RNF220: variants seen among roughly 807,000 people sequenced by gnomAD.
The protein encoded by RNF220 is ring finger protein 220, also known as E3 ubiquitin-protein ligase RNF220.
RNF220 carries 7 observed loss-of-function variants against 67.1 expected under a neutral mutation model. That is an observed-to-expected ratio of 0.10 (90% CI 0.06 to 0.20). The LOEUF is 0.20. RNF220 is among the 10% of genes least tolerant of loss of function. The pLI is 1.00. For missense variants in RNF220, 565 were observed against 740.3 expected (o/e 0.76, Z 2.75); for synonymous variants, 270 against 283.2 (o/e 0.95, Z 0.47).
At chr1:44,406,705 C>T (rs1253595038) in intron 1 of RNF220, among the ~76,000 whole-genome samples, 1 of 152,154 alleles carries the variant, frequency 6.6e-6, no homozygotes, top group Non-Finnish European at 1.5e-5. Flanking sequence ...CCCCCCAACC[C>T]GGGGCTTTTC....
chr1:44,542,414 T>G (rs1661745578), intron 2 of RNF220, among the ~76,000 whole-genome samples: 1 of 152,172 alleles, frequency 6.6e-6, no homozygotes, highest in African/African-American at 2.4e-5. Context: ...CCCATGCCCC[T>G]GTACTTTAGG....
chr1:44,549,600 C>T (rs995328555), intron 2 of RNF220, among the ~76,000 whole-genome samples: 6 of 152,196 alleles, frequency 3.9e-5, no homozygotes, highest in African/African-American at 1.4e-4. Context: ...TGTCTCTTCC[C>T]TCCCAGTTCT....
intron 2 of RNF220, among the ~76,000 whole-genome samples, chr1:44,423,554 C>T (rs1228529441): frequency 6.6e-6 from 1 of 152,170 alleles, no homozygotes; most frequent in Admixed American, 6.5e-5. Flanking sequence ...GACCCATGAG[C>T]ACCCAGAACC....
intron 2 of RNF220, among the ~76,000 whole-genome samples, chr1:44,586,611 G>T (rs1665715976): frequency 6.6e-6 from 1 of 152,198 alleles, no homozygotes; most frequent in South Asian, 2.1e-4. Flanking sequence ...CCAGGAGGCA[G>T]ACTAGAAGAC....
At chr1:44,604,603 C>A (rs1324512359) in intron 2 of RNF220, among the ~76,000 whole-genome samples, 1 of 152,230 alleles carries the variant, frequency 6.6e-6, no homozygotes, top group Non-Finnish European at 1.5e-5. Context: ...CTTGCTTGTG[C>A]CTTGGCCTGG....
intron 2 of RNF220, among the ~76,000 whole-genome samples, chr1:44,501,581 T>C (rs1016620618): frequency 4.6e-5 from 7 of 152,076 alleles, no homozygotes; most frequent in Admixed American, 1.3e-4. Context: ...AGGAAAGCAA[T>C]GCGGCCAAGC....
intron 2 of RNF220, among the ~76,000 whole-genome samples, chr1:44,464,795 T>C (rs1432666874): frequency 1.3e-5 from 2 of 152,206 alleles, no homozygotes; most frequent in Non-Finnish European, 2.9e-5. Flanking sequence ...TCTCACTACA[T>C]TGCTTGCCTA....
intron 2 of RNF220, among the ~76,000 whole-genome samples, chr1:44,484,284 C>A (rs1464504016): frequency 1.3e-5 from 2 of 152,032 alleles, no homozygotes; most frequent in African/African-American, 4.8e-5. Flanking sequence ...AAGTAGGAGA[C>A]TTTTATTGGC....
At position 44,514,730 on chromosome 1, in the gene RNF220, C is replaced by T. The variant is rs545166242; in HGVS notation, c.626-99435C>T. Among the ~76,000 whole-genome samples the T allele has an allele frequency of 1.1e-4, 17 of 152,252 alleles. No individual in the cohort carries two copies. In the South Asian group the frequency reaches 2.9e-3, roughly 26 times the overall value. On this transcript the variant is annotated intron_variant, in intron 2 of 14. Transcript: ENST00000361799. ...TTTTGGCTAACATGATAACAAGACC[C>T]ATAAATGAAACAAAATTGAATGTTT...
At position 44,650,647 on chromosome 1, in the gene RNF220, C is replaced by G; in HGVS notation, c.1630-57C>G. 2.5e-6 allele frequency: 4 copies of G among 1,573,752 alleles called. No homozygotes were observed. Among genetic ancestry groups the G allele is most frequent in the Non-Finnish European group, 2.6e-6 (3 of 1,144,142 alleles). On this transcript the variant is annotated intron_variant, in intron 14 of 14. Coordinates refer to ENST00000361799, the MANE Select transcript of RNF220 (RefSeq NM_018150.4). This position sits in a 1 kb window ranked among gnomAD's most constrained non-coding sequence, Gnocchi z 4.3. ...AGACATGGCTGCAGGCCCAGGTGCT[C>G]ACATGCGCACACATGGCTCATTGTG...
intron 2 of RNF220, among the ~76,000 whole-genome samples, chr1:44,467,918 C>T (rs1216004022): frequency 6.6e-6 from 1 of 151,954 alleles, no homozygotes; most frequent in Non-Finnish European, 1.5e-5. Context: ...ATTAATTGGC[C>T]TAATTTCAAT....
rs111763937 is a variant in RNF220, at chr1:44,497,066, G to A, written c.625+84344G>A. 2.6e-3 allele frequency among the ~76,000 whole-genome samples: 394 copies of A among 152,206 alleles called. 3 individuals carry two copies. Among genetic ancestry groups the A allele is most frequent in the African/African-American group, 7.5e-3 (312 of 41,518 alleles). The stretch of plus-strand genomic sequence containing the variant: ...CTAGGGATGGGGATAGGACCCCTGG[G>A]ACAGTTTCTTCTCTGGCCAGTTCTG... On this transcript the variant is annotated intron_variant, in intron 2 of 14. Coordinates refer to ENST00000361799, the MANE Select transcript of RNF220 (RefSeq NM_018150.4).
intron 2 of RNF220, among the ~76,000 whole-genome samples, chr1:44,557,815 T>C (rs1426092227): frequency 6.6e-6 from 1 of 152,014 alleles, no homozygotes; most frequent in Non-Finnish European, 1.5e-5. Flanking sequence ...CTAGTCACCT[T>C]CTCTACACCA....
chr1:44,495,089 T>C (rs989014438), intron 2 of RNF220, among the ~76,000 whole-genome samples: 1 of 152,148 alleles, frequency 6.6e-6, no homozygotes, highest in African/African-American at 2.4e-5. Context: ...GGCACACACC[T>C]GTAGTCCCAG....
intron 2 of RNF220, among the ~76,000 whole-genome samples, chr1:44,456,217 G>A (rs946766980): frequency 1.3e-5 from 2 of 152,168 alleles, no homozygotes; most frequent in African/African-American, 4.8e-5. Flanking sequence ...AAGAATTAAT[G>A]GAATTATTTG....
intron 2 of RNF220, among the ~76,000 whole-genome samples, chr1:44,483,226 C>G (rs1036167471): frequency 1.3e-5 from 2 of 152,132 alleles, no homozygotes; most frequent in Admixed American, 1.3e-4. Context: ...CTACCATGCC[C>G]AGCCCAAGCA....
chr1:44,464,116 G>A (rs1472043749), intron 2 of RNF220, among the ~76,000 whole-genome samples: 1 of 152,194 alleles, frequency 6.6e-6, no homozygotes, highest in African/African-American at 2.4e-5. Flanking sequence ...CACTTTTAGA[G>A]TCCTATGTCA....
chr1:44,639,898 T>A (rs1438817803), intron 8 of RNF220, among the ~76,000 whole-genome samples: 1 of 152,266 alleles, frequency 6.6e-6, no homozygotes, highest in Non-Finnish European at 1.5e-5. Context: ...CGAGAGATTC[T>A]CCTGCCTCAG....
chr1:44,492,210 A>G (rs1200314047), intron 2 of RNF220, among the ~76,000 whole-genome samples: 4 of 152,324 alleles, frequency 2.6e-5, no homozygotes, highest in Middle Eastern at 3.4e-3. Context: ...CAAATCCACA[A>G]TGAGAGTCTG....
Sources: allele counts gnomAD v4.1 joint callset (sites outside exome capture counted in the v4.1 genomes callset), GRCh38; gene constraint gnomAD v4.1.1; non-coding constraint Gnocchi (gnomAD v3.1); transcripts MANE v1.5; gene names NCBI Gene and HGNC (gene_info 2026-07-23, HGNC 2026-07-21).